The following KAZN variants were observed in gnomAD, a reference collection of about 807,000 sequenced individuals.
The protein encoded by KAZN is kazrin.
A neutral mutation model predicts 87.4 loss-of-function variants in KAZN; 40 were observed. That is an observed-to-expected ratio of 0.46 (90% CI 0.36 to 0.60). The LOEUF is 0.60. Ranked by LOEUF, KAZN falls within the 20% of genes least tolerant of loss-of-function variation. KAZN has a pLI of 0.00. For missense variants in KAZN, 898 were observed against 1,073.9 expected, an observed-to-expected ratio of 0.84 and a Z score of 2.29; for synonymous variants, 466 against 458.3, an observed-to-expected ratio of 1.02 and a Z score of -0.22.
intron 7 of KAZN, among the ~76,000 whole-genome samples, chr1:15,064,002 T>C (rs72868393): frequency 0.094 from 14,267 of 152,234 alleles, 2,101 homozygotes; most frequent in African/African-American, 0.32. Flanking sequence ...AGCTGCTGAG[T>C]GCACACATGT....
chr1:14,917,131 G>A (rs1428572562), intron 1 of KAZN, among the ~76,000 whole-genome samples: 1 of 152,110 alleles, frequency 6.6e-6, no homozygotes, highest in Non-Finnish European at 1.5e-5. Context: ...ACCATCAAAG[G>A]GTATCAGTGA....
chr1:14,827,190 T>TGA (rs1446350259), intron 1 of KAZN, among the ~76,000 whole-genome samples: 3 of 152,312 alleles, frequency 2.0e-5, no homozygotes, highest in East Asian at 3.9e-4. Flanking sequence ...CAGTAGTGAT[T>TGA]GACTTGAAAA....
At chr1:14,794,790 C>A (rs545288128) in intron 1 of KAZN, among the ~76,000 whole-genome samples, 1 of 152,088 alleles carries the variant, frequency 6.6e-6, no homozygotes, top group Admixed American at 6.6e-5. Context: ...GAGGCTGTTG[C>A]CAAAGGAGAT....
intron 8 of KAZN, among the ~76,000 whole-genome samples, chr1:15,072,319 CTG>C (rs1362323146): frequency 6.6e-6 from 1 of 152,172 alleles, no homozygotes; most frequent in Non-Finnish European, 1.5e-5. Context: ...GGGCATCGGG[CTG>C]TGTGTGTGAA....
At chr1:14,438,272 A>G (rs1666512521) in intron 2 of KAZN, among the ~76,000 whole-genome samples, 1 of 152,148 alleles carries the variant, frequency 6.6e-6, no homozygotes, top group Non-Finnish European at 1.5e-5. Context: ...TGCTGTTCCC[A>G]ATGCTGGGGA....
chr1:15,101,610 T>A lies in KAZN; in HGVS notation c.1615T>A (p.Ser539Thr). 2 of 1,556,924 alleles carry A rather than the reference T, an allele frequency of 1.3e-6. No homozygotes were observed. Among genetic ancestry groups the A allele is most frequent in the South Asian group, 2.4e-5 (2 of 84,286 alleles). Residue 539 changes from serine (S) to threonine (T), a missense_variant, in exon 11 of 15, where the codon TCC (serine) becomes ACC (threonine). Physicochemically the swap from Ser to Thr is moderately conservative, Grantham distance 58 (BLOSUM62 1). This residue lies in a region of KAZN where 521 missense variants were observed against 689.4 expected (regional missense o/e 0.76). Transcript: ENST00000376030. ...GGCCTGGCTGAATGACATTGGCCTG[T>A]CCCAGTACTCCCAGGCCTTTCAGAA... ...AKAWLNDIGL[S>T]QYSQAFQNHL...
intron 2 of KAZN, among the ~76,000 whole-genome samples, chr1:14,307,355 C>T (rs573714801): frequency 1.1e-4 from 16 of 152,186 alleles, no homozygotes; most frequent in Admixed American, 2.0e-4. Flanking sequence ...ATTATAAAGT[C>T]GTTTCAGCCC....
chr1:14,854,397 G>C (rs2100992528), intron 1 of KAZN, among the ~76,000 whole-genome samples: 1 of 152,284 alleles, frequency 6.6e-6, no homozygotes, highest in African/African-American at 2.4e-5. Context: ...CCTGAGACTG[G>C]GTAGTTTATA....
intron 2 of KAZN, among the ~76,000 whole-genome samples, chr1:14,421,859 A>T (rs1371038250): frequency 6.6e-6 from 1 of 151,878 alleles, no homozygotes; most frequent in Non-Finnish European, 1.5e-5. Context: ...CACTTACTAC[A>T]CTGGGTCCTG....
intron 2 of KAZN, among the ~76,000 whole-genome samples, chr1:14,348,699 G>A (rs1658296975): frequency 6.6e-6 from 1 of 152,240 alleles, no homozygotes; most frequent in African/African-American, 2.4e-5. Flanking sequence ...AGGAGGCAGT[G>A]AAATGGTGTG....
At chr1:15,011,819 TG>T (rs1437559518) in intron 2 of KAZN, among the ~76,000 whole-genome samples, 2 of 152,134 alleles carry the variant, frequency 1.3e-5, no homozygotes, top group Non-Finnish European at 2.9e-5. Flanking sequence ...CACTCAGGGT[TG>T]GGGGCGGGGC....
At chr1:14,914,978 G>T (rs998462280) in intron 1 of KAZN, among the ~76,000 whole-genome samples, 1 of 152,096 alleles carries the variant, frequency 6.6e-6, no homozygotes, top group Non-Finnish European at 1.5e-5. Flanking sequence ...ATCACCTGAG[G>T]TCAGGAGTTC....
At chr1:14,760,126 C>A (rs938006459) in intron 1 of KAZN, among the ~76,000 whole-genome samples, 1 of 152,084 alleles carries the variant, frequency 6.6e-6, no homozygotes, top group Non-Finnish European at 1.5e-5. Context: ...TGAGGTTCCC[C>A]CAGGCACAAC....
chr1:14,985,947 G>A (rs1390703681), intron 2 of KAZN, among the ~76,000 whole-genome samples: 4 of 139,682 alleles, frequency 2.9e-5, no homozygotes, highest in Non-Finnish European at 6.0e-5. Flanking sequence ...AGGCTGCAGT[G>A]AGCCAAGATC....
intron 2 of KAZN, among the ~76,000 whole-genome samples, chr1:14,448,216 T>C (rs1667089439): frequency 6.6e-6 from 1 of 152,228 alleles, no homozygotes; most frequent in South Asian, 2.1e-4. Context: ...CTGAGAAGAC[T>C]AGGTCACTAG....
chr1:14,212,102 G>A (rs1646865370), intron 2 of KAZN, among the ~76,000 whole-genome samples: 1 of 152,162 alleles, frequency 6.6e-6, no homozygotes, highest in South Asian at 2.1e-4. Context: ...GATAATGTTT[G>A]CTGCGAATGT....
intron 1 of KAZN, among the ~76,000 whole-genome samples, chr1:14,095,267 G>C (rs191404331): frequency 6.6e-6 from 1 of 152,096 alleles, no homozygotes; most frequent in Non-Finnish European, 1.5e-5. Context: ...CTCTCATCTA[G>C]GTATATGCCG....
intron 1 of KAZN, among the ~76,000 whole-genome samples, chr1:14,872,334 A>G (rs770995853): frequency 5.9e-5 from 9 of 152,222 alleles, no homozygotes; most frequent in Non-Finnish European, 1.3e-4. Flanking sequence ...CCACATGTGG[A>G]TATTAAGCAA....
chr1:14,279,848 G>A (rs1020291371), intron 2 of KAZN, among the ~76,000 whole-genome samples: 1 of 152,196 alleles, frequency 6.6e-6, no homozygotes, highest in Non-Finnish European at 1.5e-5. Flanking sequence ...GAGGGTCACA[G>A]AAGAACGGCC....
Sources: gnomAD v4.1 joint callset for allele counts (sites outside exome capture counted in the v4.1 genomes callset) on GRCh38, gnomAD v4.1.1 for gene constraint, gnomAD v4.1.1 regional missense constraint, MANE v1.5 for transcripts, NCBI Gene and HGNC (gene_info 2026-07-23, HGNC 2026-07-21) for gene names.